The following FAM234A variants were observed in gnomAD, a reference collection of about 807,000 sequenced individuals.
FAM234A encodes protein FAM234A.
FAM234A carries 42 observed loss-of-function variants against 49.1 expected under a neutral mutation model. That is an observed-to-expected ratio of 0.86 (90% CI 0.67 to 1.11). The LOEUF is 1.11. Among genes scored for constraint, FAM234A ranks in the 50% least tolerant of loss-of-function variants. The probability of loss-of-function intolerance (pLI) is 0.00; values close to 1 mark genes in which losing one functional copy is unlikely to be tolerated. For missense variants in FAM234A, 815 were observed against 745.2 expected (o/e 1.09, Z -1.09); for synonymous variants, 369 against 316.2 (o/e 1.17, Z -1.77).
intron 2 of FAM234A, among the ~76,000 whole-genome samples, chr16:249,920 A>G (rs963188986): frequency 6.6e-6 from 1 of 151,906 alleles, no homozygotes; most frequent in Admixed American, 6.6e-5. Flanking sequence ...TGCCAAAGGA[A>G]TCTATGTTTT....
chr16:262,551 C>G lies in FAM234A; in HGVS notation c.969C>G (p.His323Gln). 6.3e-7 allele frequency: 1 copy of G among 1,598,884 alleles called. No individual in the cohort carries two copies. Among genetic ancestry groups the G allele is most frequent in the Non-Finnish European group, 8.5e-7 (1 of 1,173,442 alleles). ...LNATTRRMLSHSSGAVRYLMH... is the reference protein window; with the variant it reads ...LNATTRRMLSQSSGAVRYLMH... The stretch of plus-strand genomic sequence containing the variant: ...CCACCACCCGCAGGATGCTTTCCCA[C>G]AGGTGGGTCCGGGCCGCAGCCTTTC... Residue 323 changes from histidine to glutamine, a missense_variant and splice_region_variant, in exon 8 of 13, where the codon CAC becomes CAG. Transcript: ENST00000399932.
chr16:243,274 C>T (rs993515003), intron 1 of FAM234A, among the ~76,000 whole-genome samples: 3 of 152,114 alleles, frequency 2.0e-5, no homozygotes, highest in Non-Finnish European at 2.9e-5. Context: ...CCACCCTGCC[C>T]GGCCATGAAG....
At chr16:254,335 G>T in intron 2 of FAM234A, 46 bp from the exon 3 acceptor site, 1 of 1,524,976 alleles carries the variant, frequency 6.6e-7, no homozygotes, top group East Asian at 2.3e-5. Flanking sequence ...GCAGCTTTGT[G>T]CCGTGGGACT....
intron 2 of FAM234A, among the ~76,000 whole-genome samples, chr16:251,245 T>C (rs995800101): frequency 1.3e-5 from 2 of 152,238 alleles, no homozygotes; most frequent in African/African-American, 2.4e-5. Context: ...CGTGAGCCAC[T>C]GCGCCCAGCC....
At chr16:235,560 C>T (rs2050370549) in intron 1 of FAM234A, among the ~76,000 whole-genome samples, 1 of 152,210 alleles carries the variant, frequency 6.6e-6, no homozygotes, top group Non-Finnish European at 1.5e-5. Context: ...GGCAATTTCA[C>T]TTACTCTCTG....
rs1338379810 is a variant in FAM234A at position 261,401 on chromosome 16, C to T, written c.595C>T (p.His199Tyr). 2 of 1,612,312 alleles carry T rather than the reference C, an allele frequency of 1.2e-6. No homozygotes were observed. Among genetic ancestry groups the T allele is most frequent in the Admixed American group, 1.7e-5 (1 of 59,986 alleles). ...GATTCTAGGGGAAACCCTGTGGAAC[C>T]ACAGCAGCAGCTTCAGCGGGAATGC... is the stretch of plus-strand genomic sequence containing the variant. Reference protein sequence around the residue: ...NLFTGETLWNHSSSFSGNASI... With the variant: ...NLFTGETLWNYSSSFSGNASI... The change falls in exon 6 of 13, where the codon CAC becomes TAC. Residue 199 changes from histidine to tyrosine, a missense_variant. Coordinates refer to ENST00000399932, the MANE Select transcript of FAM234A (RefSeq NM_032039.4).
In FAM234A at chr16:266,015, C is replaced by T; in HGVS notation, c.*993C>T. The stretch of plus-strand genomic sequence containing the variant: ...GCTCGGGCCGCCCAGGTCACAGAGC[C>T]TGAGCTTCGTAGCCAAAGCAGCCTG... On this transcript the variant is annotated 3_prime_UTR_variant, in exon 13 of 13. Transcript: ENST00000399932. 2.0e-6 allele frequency: 2 copies of T among 985,950 alleles called. No individual in the cohort carries two copies. The highest frequency in any genetic ancestry group is 2.4e-6 in the Non-Finnish European group (2 of 830,034). The allele number at this position is 985,950 out of a possible 1,614,324, so 61.1% of individuals were successfully genotyped here.
rs371285767 is a variant in FAM234A at position 261,367 on chromosome 16, C to G, written c.578-17C>G. The G allele has an allele frequency of 6.2e-7, 1 of 1,602,168 alleles. No individual in the cohort carries two copies. Among genetic ancestry groups the G allele is most frequent in the Non-Finnish European group, 8.5e-7 (1 of 1,170,594 alleles). On this transcript the variant is annotated splice_polypyrimidine_tract_variant and intron_variant, in intron 5 of 12. Coordinates refer to ENST00000399932, the MANE Select transcript of FAM234A (RefSeq NM_032039.4). ...GGGACTCAGGGCCACGTTCCGTGAC[C>G]GTGTGCTTGATTCTAGGGGAAACCC...
At chr16:237,374 G>T (rs1344002917) in intron 1 of FAM234A, among the ~76,000 whole-genome samples, 3 of 152,112 alleles carry the variant, frequency 2.0e-5, no homozygotes, top group Non-Finnish European at 4.4e-5. Context: ...TATGACTTCG[G>T]GTCTCATGGA....
chr16:247,672 C>G (rs2858006), intron 1 of FAM234A, among the ~76,000 whole-genome samples: 1 of 151,760 alleles, frequency 6.6e-6, no homozygotes, highest in South Asian at 2.1e-4. Context: ...ACCTCAGGTA[C>G]TCCGCCTGCC....
intron 2 of FAM234A, among the ~76,000 whole-genome samples, chr16:251,095 T>A (rs1172204446): frequency 6.6e-6 from 1 of 152,190 alleles, no homozygotes; most frequent in African/African-American, 2.4e-5. Context: ...TAGCTGGGAT[T>A]ACAAGCGCCT....
chr16:264,483 G>C, intron 11 of FAM234A, 131 bp from the exon 12 acceptor site: 2 of 751,714 alleles, frequency 2.7e-6, no homozygotes, highest in South Asian at 1.7e-5. Context: ...ACAGAACTGG[G>C]GGCTGGCATT....
At chr16:256,285 G>A (rs912381100) in intron 3 of FAM234A, among the ~76,000 whole-genome samples, 5 of 152,222 alleles carry the variant, frequency 3.3e-5, no homozygotes, top group African/African-American at 1.2e-4. Flanking sequence ...CTGACAAGCT[G>A]TTTTCTAAAG....
intron 11 of FAM234A, 21 bp from the exon 12 acceptor site, chr16:264,593 C>T (rs1487097939): frequency 2.0e-6 from 3 of 1,528,456 alleles, no homozygotes; most frequent in African/African-American, 1.4e-5. Context: ...GCGTGGGGCC[C>T]ATTGCTGGTT....
In FAM234A at chr16:265,691, T is replaced by C; in HGVS notation, c.*669T>C. 1 of 985,472 alleles carries C rather than the reference T, an allele frequency of 1.0e-6. No homozygotes were observed. Among genetic ancestry groups the C allele is most frequent in the East Asian group, 1.1e-4 (1 of 8,810 alleles). 61.0% of individuals were successfully genotyped at this position (985,472 alleles called of 1,614,324 possible). A position where few individuals can be genotyped will look rare whatever the true frequency, so the allele number is the denominator to read the frequency against. On this transcript the variant is annotated 3_prime_UTR_variant, in exon 13 of 13. Transcript: ENST00000399932. ...CCAGCAGGATGGGTGGGGCCTGCTC[T>C]GGAGCTGAGCCCGTGGCCGCTCACA...
downstream of FAM234A, chr16:268,328 A>G (rs1280121379): frequency 1.6e-5 from 4 of 250,870 alleles, no homozygotes; most frequent in African/African-American, 2.2e-5. Context: ...CCAGGGCCCA[A>G]GGGTCTTTTA....
intron 1 of FAM234A, among the ~76,000 whole-genome samples, chr16:244,064 G>C (rs2141199955): frequency 6.6e-6 from 1 of 152,054 alleles, no homozygotes; most frequent in Admixed American, 6.6e-5. Flanking sequence ...CGCCTCCCAG[G>C]TTCACACCAT....
At chr16:269,432 C>T (rs1567233689), downstream of FAM234A, 2 of 1,589,818 alleles carry the variant, frequency 1.3e-6, no homozygotes, top group Admixed American at 3.4e-5. Flanking sequence ...TGGTGTCCTG[C>T]CCACCTCACT....
downstream of FAM234A, among the ~76,000 whole-genome samples, chr16:266,516 G>A (rs2051698438): frequency 6.6e-6 from 1 of 152,198 alleles, no homozygotes; most frequent in Admixed American, 6.5e-5. Flanking sequence ...TCCCGGAGAT[G>A]CAGCTTTGGG....
Sources: allele counts gnomAD v4.1 joint callset (sites outside exome capture counted in the v4.1 genomes callset), GRCh38; gene constraint gnomAD v4.1.1; transcripts MANE v1.5; gene names NCBI Gene and HGNC (gene_info 2026-07-23, HGNC 2026-07-21).